The following SOX6 variants were observed in gnomAD, a reference collection of about 807,000 sequenced individuals.
SOX6 encodes transcription factor SOX-6.
In SOX6, 11 loss-of-function variants were observed where a neutral mutation model predicts 97.8. The ratio of observed to expected loss-of-function variants is 0.11; its 90% CI spans 0.07 to 0.19. The LOEUF (loss-of-function observed/expected upper bound fraction) is 0.19, where lower values mean the gene tolerates loss of function less well. SOX6 is among the 10% of genes least tolerant of loss of function. The pLI, the probability that SOX6 is intolerant of heterozygous loss-of-function variation, is 1.00. For missense variants in SOX6, 810 were observed against 1,039.5 expected, an observed-to-expected ratio of 0.78 and a Z score of 3.04; for synonymous variants, 360 against 371.4, an observed-to-expected ratio of 0.97 and a Z score of 0.35.
Position 16,613,906 on chromosome 11 carries a change from G to T in SOX6, n.430-1646C>A, listed in dbSNP as rs1356733463. Among the ~76,000 whole-genome samples the T allele has an allele frequency of 6.6e-6, 1 of 152,070 alleles. No homozygotes were observed. The highest frequency in any genetic ancestry group is 1.5e-5 in the Non-Finnish European group (1 of 68,002). On this transcript the variant is annotated intron_variant and non_coding_transcript_variant, in intron 3 of 5. Transcript: ENST00000524520. The surrounding 1 kb of genome is among the most constrained non-coding windows in gnomAD (Gnocchi z 4.6). ...CTGACACTGGCCCAGCAGCCTTGGC[G>T]ACCTCCCGGGACCGCCTGAAAGAGA...
At chr11:16,585,047 G>A (rs988636607) in intron 4 of SOX6, among the ~76,000 whole-genome samples, 9 of 152,196 alleles carry the variant, frequency 5.9e-5, no homozygotes, top group Admixed American at 5.9e-4. Context: ...AAAATGAAGA[G>A]GTTATAATAA....
intron 6 of SOX6, among the ~76,000 whole-genome samples, chr11:16,161,485 T>G (rs568184858): frequency 4.6e-5 from 7 of 152,092 alleles, no homozygotes; most frequent in Non-Finnish European, 1.0e-4. Flanking sequence ...TCAAGTTTAT[T>G]TAAAGTAGTA....
At chr11:16,421,270 AAC>A in intron 1 of SOX6, among the ~76,000 whole-genome samples, 1 of 152,194 alleles carries the variant, frequency 6.6e-6, no homozygotes, top group Non-Finnish European at 1.5e-5. Context: ...ATTGAAGACA[AAC>A]ACAATGACTA....
intron 1 of SOX6, among the ~76,000 whole-genome samples, chr11:16,354,479 G>C (rs1408797001): frequency 6.6e-6 from 1 of 151,830 alleles, no homozygotes; most frequent in Non-Finnish European, 1.5e-5. Context: ...AAAAGCACAG[G>C]GTAAAAATAT....
intron 3 of SOX6, among the ~76,000 whole-genome samples, chr11:16,237,294 A>G (rs1237588593): frequency 2.6e-5 from 4 of 152,040 alleles, no homozygotes; most frequent in Non-Finnish European, 4.4e-5. Context: ...TCAGAAGTGA[A>G]TTGTTACTAA....
chr11:16,009,958 A>G (rs1004499888), intron 13 of SOX6, among the ~76,000 whole-genome samples: 13 of 152,026 alleles, frequency 8.6e-5, no homozygotes, highest in Admixed American at 2.6e-4. Context: ...TTCCAAGTAT[A>G]TGGATCAAAG....
intron 15 of SOX6, 51 bp downstream of exon 15, chr11:15,986,153 G>T: frequency 6.6e-7 from 1 of 1,522,166 alleles, no homozygotes; most frequent in Non-Finnish European, 9.1e-7. Flanking sequence ...CCATCCTATA[G>T]TTACTTACCG....
At chr11:16,024,566 A>T (rs1855163584) in intron 12 of SOX6, among the ~76,000 whole-genome samples, 1 of 151,784 alleles carries the variant, frequency 6.6e-6, no homozygotes. Context: ...GGAAGGAAGC[A>T]CTTAACAAAG....
At chr11:16,526,917 C>T (rs1377804464) in intron 4 of SOX6, among the ~76,000 whole-genome samples, 1 of 152,058 alleles carries the variant, frequency 6.6e-6, no homozygotes, top group Non-Finnish European at 1.5e-5. Flanking sequence ...TTCTAAGATA[C>T]TCTTACCCAC....
chr11:16,100,877 T>G (rs538389432), intron 7 of SOX6, among the ~76,000 whole-genome samples: 1 of 151,588 alleles, frequency 6.6e-6, no homozygotes, highest in African/African-American at 2.4e-5. Context: ...TGTTAACACA[T>G]TGAAGAAATA....
intron 4 of SOX6, among the ~76,000 whole-genome samples, chr11:16,565,766 A>G (rs1310129776): frequency 6.7e-6 from 1 of 150,336 alleles, no homozygotes; most frequent in Non-Finnish European, 1.5e-5. Context: ...AAACTCGTCA[A>G]CAGAAAGAAA....
intron 1 of SOX6, among the ~76,000 whole-genome samples, chr11:16,466,512 A>G (rs1860035086): frequency 6.6e-6 from 1 of 152,192 alleles, no homozygotes; most frequent in Admixed American, 6.5e-5. Flanking sequence ...CAACAAAAGA[A>G]ACTATCGACA....
intron 1 of SOX6, among the ~76,000 whole-genome samples, chr11:16,458,826 C>T (rs1323715908): frequency 6.6e-6 from 1 of 151,928 alleles, no homozygotes; most frequent in Non-Finnish European, 1.5e-5. Context: ...TACAATTGTC[C>T]CAGCTTACTG....
chr11:16,006,544 T>C (rs1371500613), intron 13 of SOX6, among the ~76,000 whole-genome samples: 1 of 152,092 alleles, frequency 6.6e-6, no homozygotes, highest in Non-Finnish European at 1.5e-5. Flanking sequence ...CTGTGTCTGC[T>C]TAGATTATTC....
intron 13 of SOX6, among the ~76,000 whole-genome samples, chr11:15,994,152 T>A (rs1392481593): frequency 6.6e-6 from 1 of 152,058 alleles, no homozygotes; most frequent in Non-Finnish European, 1.5e-5. Context: ...AAATTAAAAA[T>A]TACAAACGAT....
intron 4 of SOX6, among the ~76,000 whole-genome samples, chr11:16,543,385 CT>C (rs1861436770): frequency 6.7e-6 from 1 of 148,758 alleles, no homozygotes; most frequent in African/African-American, 2.4e-5. Context: ...TGACATAGGC[CT>C]TTTTATTTCT....
At chr11:16,123,125 T>TTCA (rs1379296295) in intron 6 of SOX6, among the ~76,000 whole-genome samples, 2 of 152,086 alleles carry the variant, frequency 1.3e-5, no homozygotes, top group Non-Finnish European at 2.9e-5. Context: ...TCTTTAATAT[T>TTCA]TCATCATCAT....
intron 3 of SOX6, among the ~76,000 whole-genome samples, chr11:16,260,841 A>G (rs1590072140): frequency 6.6e-6 from 1 of 151,906 alleles, no homozygotes; most frequent in Non-Finnish European, 1.5e-5. Flanking sequence ...GAACCCACTT[A>G]CCTCTCCAGC....
At chr11:15,978,259 C>T (rs2119804817) in intron 15 of SOX6, among the ~76,000 whole-genome samples, 1 of 152,036 alleles carries the variant, frequency 6.6e-6, no homozygotes, top group Admixed American at 6.6e-5. Context: ...AGTTGTCTTT[C>T]TTCATTTCTT....
Sources: allele counts gnomAD v4.1 joint callset (sites outside exome capture counted in the v4.1 genomes callset), GRCh38; gene constraint gnomAD v4.1.1; non-coding constraint Gnocchi (gnomAD v3.1); transcripts MANE v1.5; gene names NCBI Gene and HGNC (gene_info 2026-07-23, HGNC 2026-07-21).